The following SCHIP1 variants were observed in gnomAD, a reference collection of about 807,000 sequenced individuals.
SCHIP1 encodes schwannomin-interacting protein 1.
Under a neutral mutation model 29.7 loss-of-function variants are expected in SCHIP1, and 8 were observed. That is an observed-to-expected ratio of 0.27 (90% CI 0.16 to 0.49). SCHIP1 has a LOEUF of 0.49. Among genes scored for constraint, SCHIP1 ranks in the 20% least tolerant of loss-of-function variants. SCHIP1 has a pLI of 0.99. For missense variants in SCHIP1, 193 were observed against 294.6 expected (o/e 0.66, Z 2.52); for synonymous variants, 76 against 94.9 (o/e 0.80, Z 1.16).
intron 1 of SCHIP1, among the ~76,000 whole-genome samples, chr3:159,859,996 C>CGT (rs1029854068): frequency 6.0e-5 from 6 of 99,522 alleles, no homozygotes; most frequent in African/African-American, 2.0e-4. Flanking sequence ...TGTGTGTGTG[C>CGT]GTGTGTGTGT....
chr3:159,423,085 G>A, the SCHIP1 span, among the ~76,000 whole-genome samples: 1 of 152,214 alleles, frequency 6.6e-6, no homozygotes, highest in African/African-American at 2.4e-5. Context: ...AGCCAAGATG[G>A]CCGAATAGGA....
the SCHIP1 span, among the ~76,000 whole-genome samples, chr3:159,793,237 G>GCACTGTCTCTGTCTCT: frequency 3.9e-5 from 6 of 152,060 alleles, no homozygotes; most frequent in African/African-American, 1.4e-4. Flanking sequence ...TCTTGTGTGT[G>GCACTGTCTCTGTCTCT]CACTGTCTCT....
chr3:159,711,360 C>CAAAAAAAAA, the SCHIP1 span, among the ~76,000 whole-genome samples: 1 of 6,750 alleles, frequency 1.5e-4, no homozygotes, highest in Non-Finnish European at 2.0e-4. Flanking sequence ...GACTCCGTCT[C>CAAAAAAAAA]AAAAAAAAAA....
chr3:159,879,544 G>A (rs187925262), intron 2 of SCHIP1, among the ~76,000 whole-genome samples: 8 of 152,272 alleles, frequency 5.3e-5, no homozygotes, highest in African/African-American at 1.9e-4. Context: ...AGATTACTTG[G>A]AAATTACTTG....
chr3:159,463,877 T>C, the SCHIP1 span, among the ~76,000 whole-genome samples: 1 of 152,180 alleles, frequency 6.6e-6, no homozygotes, highest in Non-Finnish European at 1.5e-5. Context: ...GTCTTTCCTT[T>C]TCTGTACATA....
the SCHIP1 span, among the ~76,000 whole-genome samples, chr3:159,670,555 C>G: frequency 6.6e-6 from 1 of 152,102 alleles, no homozygotes; most frequent in South Asian, 2.1e-4. Context: ...CTAATACACA[C>G]TTTTCTTTTT....
the SCHIP1 span, among the ~76,000 whole-genome samples, chr3:159,495,346 A>G: frequency 2.0e-5 from 3 of 152,238 alleles, no homozygotes; most frequent in Non-Finnish European, 1.5e-5. Context: ...ATGATTGTAT[A>G]TCTAGAAAAC....
chr3:159,373,468 A>T, the SCHIP1 span, among the ~76,000 whole-genome samples: 1 of 152,022 alleles, frequency 6.6e-6, no homozygotes. Flanking sequence ...AGGGATTTTG[A>T]CATGTATAAT....
chr3:159,302,841 G>A, the SCHIP1 span, among the ~76,000 whole-genome samples: 16 of 152,104 alleles, frequency 1.1e-4, no homozygotes, highest in South Asian at 3.1e-3. Flanking sequence ...CCTCAGTCCT[G>A]GGCAAACTGA....
intron 2 of SCHIP1, among the ~76,000 whole-genome samples, chr3:159,879,352 G>A (rs760875427): frequency 1.5e-4 from 22 of 151,088 alleles, no homozygotes; most frequent in Non-Finnish European, 2.9e-4. Flanking sequence ...ATCTCAAGAC[G>A]GACTTTCCTA....
the SCHIP1 span, among the ~76,000 whole-genome samples, chr3:159,511,753 G>T: frequency 6.6e-6 from 1 of 152,156 alleles, no homozygotes; most frequent in Non-Finnish European, 1.5e-5. Context: ...CAGATCAGAA[G>T]AAAGGATATT....
chr3:159,877,247 G>A (rs1418818814), intron 2 of SCHIP1, among the ~76,000 whole-genome samples: 2 of 152,188 alleles, frequency 1.3e-5, no homozygotes, highest in Non-Finnish European at 2.9e-5. Flanking sequence ...CTACTCAGGA[G>A]GCTGAGGCAG....
the SCHIP1 span, among the ~76,000 whole-genome samples, chr3:159,781,184 T>G: frequency 6.6e-6 from 1 of 152,130 alleles, no homozygotes; most frequent in Admixed American, 6.6e-5. Context: ...AGTTATTTAT[T>G]TATTTATTGA....
the SCHIP1 span, among the ~76,000 whole-genome samples, chr3:159,533,414 G>A: frequency 6.6e-6 from 1 of 152,128 alleles, no homozygotes; most frequent in African/African-American, 2.4e-5. Context: ...TGCAGGGTTG[G>A]CAGTGTTCCT....
the SCHIP1 span, among the ~76,000 whole-genome samples, chr3:159,465,348 C>T: frequency 7.8e-4 from 114 of 145,294 alleles, no homozygotes; most frequent in South Asian, 2.9e-3. Context: ...TGTTTGTGTG[C>T]GTGTGTGTGT....
the SCHIP1 span, among the ~76,000 whole-genome samples, chr3:159,432,293 TG>T: frequency 5.0e-5 from 2 of 39,640 alleles, no homozygotes. Flanking sequence ...GTGATGTGTG[TG>T]TGTGTGTGTG....
the SCHIP1 span, among the ~76,000 whole-genome samples, chr3:159,609,371 T>C: frequency 1.3e-5 from 2 of 151,988 alleles, no homozygotes; most frequent in South Asian, 4.2e-4. Flanking sequence ...AAAAGTGAAA[T>C]AAAGTTAGAA....
At chr3:159,468,699 T>G in the SCHIP1 span, among the ~76,000 whole-genome samples, 1 of 146,306 alleles carries the variant, frequency 6.8e-6, no homozygotes, top group African/African-American at 2.5e-5. Flanking sequence ...TGCCAATCAA[T>G]AGGGAAATCA....
the SCHIP1 span, among the ~76,000 whole-genome samples, chr3:159,755,187 A>C: frequency 1.3e-5 from 2 of 152,206 alleles, no homozygotes; most frequent in Non-Finnish European, 2.9e-5. Flanking sequence ...GTGAGCCAAC[A>C]TCACGCCACT....
Sources: allele counts gnomAD v4.1 joint callset (sites outside exome capture counted in the v4.1 genomes callset), GRCh38; gene constraint gnomAD v4.1.1; transcripts MANE v1.5; gene names NCBI Gene and HGNC (gene_info 2026-07-23, HGNC 2026-07-21).